Variants in PDHX observed in about 807,000 individuals in gnomAD.
The protein encoded by PDHX is pyruvate dehydrogenase complex component X.
In PDHX, 33 loss-of-function variants were observed where a neutral mutation model predicts 55.3. That is an observed-to-expected ratio of 0.60 (90% CI 0.45 to 0.80). The LOEUF (loss-of-function observed/expected upper bound fraction) is 0.80. PDHX is among the 30% of genes least tolerant of loss of function. The probability of loss-of-function intolerance (pLI) is 0.00; values close to 1 mark genes in which losing one functional copy is unlikely to be tolerated. For synonymous variants in PDHX, 226 were observed against 219.4 expected (o/e 1.03, Z -0.27); for missense variants, 622 against 619.9 (o/e 1.00, Z -0.04).
At position 34,916,699 on chromosome 11, in the gene PDHX, G is replaced by T; in HGVS notation, c.44G>T (p.Arg15Leu). The change falls in exon 1 of 11, where the codon CGT becomes CTT. Residue 15 changes from arginine to leucine, a missense_variant. Arg to Leu is a moderately radical substitution (Grantham distance 102). Transcript: ENST00000227868. Reference sequence around the variant, plus strand: ...CTGGGCTGTGATCCGCGGCTGCTGCGTTATCTTGTGGGCTTCCCCGGCCGC... The same window carrying T: ...CTGGGCTGTGATCCGCGGCTGCTGCTTTATCTTGTGGGCTTCCCCGGCCGC... Reference protein sequence around the residue: ...WRLGCDPRLLRYLVGFPGRRS... With the variant: ...WRLGCDPRLLLYLVGFPGRRS... 6.2e-7 allele frequency: 1 copy of T among 1,612,794 alleles called. No individual in the cohort carries two copies. The highest frequency in any genetic ancestry group is 2.2e-5 in the East Asian group (1 of 44,874).
intron 8 of PDHX, among the ~76,000 whole-genome samples, chr11:34,983,622 C>T (rs1251179654): frequency 1.3e-5 from 2 of 150,684 alleles, no homozygotes; most frequent in Admixed American, 1.3e-4. Flanking sequence ...CATTCTTATA[C>T]ACCAATAACA....
At chr11:34,925,750 G>T (rs1854003389) in intron 1 of PDHX, among the ~76,000 whole-genome samples, 1 of 152,134 alleles carries the variant, frequency 6.6e-6, no homozygotes, top group Non-Finnish European at 1.5e-5. Flanking sequence ...ACAGGTTTGA[G>T]CATCTCTAAT....
chr11:34,990,021 A>T (rs920960637), intron 9 of PDHX, among the ~76,000 whole-genome samples: 1 of 152,206 alleles, frequency 6.6e-6, no homozygotes, highest in African/African-American at 2.4e-5. Context: ...TATCTGTACT[A>T]CGCATTTACT....
rs186670246 is a variant in PDHX at position 34,977,106 on chromosome 11, T to C, written c.965-1018T>C. 1.1e-3 allele frequency among the ~76,000 whole-genome samples: 162 copies of C among 152,268 alleles called. 1 individual carries two copies. The highest frequency in any genetic ancestry group is 3.8e-3 in the African/African-American group (156 of 41,572). ...TTGCAGCTGACAGTTATCGTGACAG[T>C]TTGACAGTATTTAGGTTTATGGTAA... On this transcript the variant is annotated intron_variant, in intron 7 of 10. Coordinates refer to ENST00000227868, the MANE Select transcript of PDHX (RefSeq NM_003477.3).
At chr11:34,916,850 A>T in intron 1 of PDHX, 35 bp downstream of exon 1, 1 of 1,538,602 alleles carries the variant, frequency 6.5e-7, no homozygotes, top group Non-Finnish European at 8.8e-7. Context: ...TTCTCTGTGT[A>T]GCTGAGTGAT....
intron 2 of PDHX, among the ~76,000 whole-genome samples, chr11:34,941,494 T>A (rs1590739379): frequency 6.6e-6 from 1 of 152,372 alleles, no homozygotes; most frequent in East Asian, 1.9e-4. Flanking sequence ...TTTCTGATTA[T>A]TGTTATCATT....
chr11:34,977,277 C>G (rs775846122), intron 7 of PDHX, among the ~76,000 whole-genome samples: 3 of 152,084 alleles, frequency 2.0e-5, no homozygotes, highest in Non-Finnish European at 4.4e-5. Flanking sequence ...TTTCTATAAG[C>G]TCTTGCAAGA....
At chr11:34,988,558 CAAAA>C (rs201687707) in intron 9 of PDHX, among the ~76,000 whole-genome samples, 5 of 140,562 alleles carry the variant, frequency 3.6e-5, no homozygotes, top group Admixed American at 7.1e-5. Flanking sequence ...TGTTTTCTGT[CAAAA>C]AAAAAAAAAA....
chr11:34,940,804 C>T (rs1854455810), intron 2 of PDHX, among the ~76,000 whole-genome samples: 1 of 152,102 alleles, frequency 6.6e-6, no homozygotes. Flanking sequence ...TAAATAGAAG[C>T]ATGTAATGTT....
intron 1 of PDHX, among the ~76,000 whole-genome samples, chr11:34,929,727 A>G (rs1854109224): frequency 6.6e-6 from 1 of 152,210 alleles, no homozygotes; most frequent in South Asian, 2.1e-4. Flanking sequence ...CGCATCCTGT[A>G]ATCAGTCTGG....
At chr11:34,926,330 G>T (rs1331973171) in intron 1 of PDHX, among the ~76,000 whole-genome samples, 1 of 152,112 alleles carries the variant, frequency 6.6e-6, no homozygotes, top group Non-Finnish European at 1.5e-5. Context: ...GTTTTATTTA[G>T]TGTGTTCTGA....
intron 3 of PDHX, among the ~76,000 whole-genome samples, chr11:34,956,907 AC>A (rs1226185574): frequency 6.6e-6 from 1 of 152,232 alleles, no homozygotes; most frequent in East Asian, 1.9e-4. Flanking sequence ...GACTAAGTTT[AC>A]TGAAAAGATT....
chr11:34,969,248 T>G (rs1855201439), intron 6 of PDHX, among the ~76,000 whole-genome samples: 1 of 152,200 alleles, frequency 6.6e-6, no homozygotes. Flanking sequence ...TTACGATGGG[T>G]TCATCAGAGT....
chr11:34,934,932 TAAA>T (rs60682931), intron 2 of PDHX, among the ~76,000 whole-genome samples: 1 of 150,276 alleles, frequency 6.7e-6, no homozygotes, highest in African/African-American at 2.4e-5. Context: ...TTTTGATTAT[TAAA>T]AAAAAAAAAT....
intron 1 of PDHX, among the ~76,000 whole-genome samples, chr11:34,917,412 C>T (rs1353776489): frequency 6.6e-6 from 1 of 152,080 alleles, no homozygotes; most frequent in African/African-American, 2.4e-5. Flanking sequence ...TAAATCATAC[C>T]AAAAATTTAT....
At chr11:34,922,860 ATCG>A (rs1853920290) in intron 1 of PDHX, among the ~76,000 whole-genome samples, 1 of 115,336 alleles carries the variant, frequency 8.7e-6, no homozygotes, top group African/African-American at 3.8e-5. Context: ...TTCCCAAAGT[ATCG>A]TTGTGTGTGT....
intron 1 of PDHX, among the ~76,000 whole-genome samples, chr11:34,925,608 G>A (rs1406756499): frequency 6.6e-6 from 1 of 152,098 alleles, no homozygotes; most frequent in Non-Finnish European, 1.5e-5. Flanking sequence ...TAGGTTATCA[G>A]AAATAAAAGA....
At chr11:34,949,434 C>T (rs1854701961) in intron 3 of PDHX, among the ~76,000 whole-genome samples, 1 of 149,102 alleles carries the variant, frequency 6.7e-6, no homozygotes, top group South Asian at 2.1e-4. Context: ...AGACGGGTTT[C>T]TCCAATTTGG....
At chr11:34,951,596 G>A (rs1014269438) in intron 3 of PDHX, among the ~76,000 whole-genome samples, 1 of 152,024 alleles carries the variant, frequency 6.6e-6, no homozygotes, top group Non-Finnish European at 1.5e-5. Context: ...CTGGATATTA[G>A]CCCTTTGTCA....
Sources: gnomAD v4.1 joint callset for allele counts (sites outside exome capture counted in the v4.1 genomes callset) on GRCh38, gnomAD v4.1.1 for gene constraint, MANE v1.5 for transcripts, NCBI Gene and HGNC (gene_info 2026-07-23, HGNC 2026-07-21) for gene names.